The following OR9Q1 variants were observed in gnomAD, a reference collection of about 807,000 sequenced individuals.
OR9Q1 encodes olfactory receptor family 9 subfamily Q member 1.
For missense variants in OR9Q1, 374 were observed against 378.8 expected (o/e 0.99, Z 0.11); for synonymous variants, 153 against 148.6 (o/e 1.03, Z -0.22).
chr11:58,076,923 T>C (rs1432093622), intron 2 of OR9Q1, among the ~76,000 whole-genome samples: 2 of 152,132 alleles, frequency 1.3e-5, no homozygotes, highest in Non-Finnish European at 2.9e-5. Flanking sequence ...GTTATGCAAA[T>C]AAAATAATTG....
At chr11:58,083,706 C>T (rs910797524) in intron 2 of OR9Q1, among the ~76,000 whole-genome samples, 29 of 151,272 alleles carry the variant, frequency 1.9e-4, no homozygotes, top group African/African-American at 4.4e-4. Context: ...CACCATTTAT[C>T]GAACAGGGAA....
At chr11:58,164,857 C>T (rs1012995454) in intron 2 of OR9Q1, among the ~76,000 whole-genome samples, 16 of 152,184 alleles carry the variant, frequency 1.1e-4, no homozygotes, top group African/African-American at 2.9e-4. Flanking sequence ...GGCATGGTCT[C>T]GCCTCAGAGC....
chr11:58,128,533 C>CAA (rs1369411210), intron 2 of OR9Q1, among the ~76,000 whole-genome samples: 1 of 152,004 alleles, frequency 6.6e-6, no homozygotes, highest in Non-Finnish European at 1.5e-5. Context: ...AACAGTATCT[C>CAA]ACAGCTTATA....
chr11:58,135,768 G>A (rs1333190798), intron 2 of OR9Q1, among the ~76,000 whole-genome samples: 3 of 152,146 alleles, frequency 2.0e-5, no homozygotes, highest in African/African-American at 7.2e-5. Context: ...TGACCTGGAG[G>A]TTCTAAGTGG....
chr11:58,109,124 C>G (rs776354965), intron 2 of OR9Q1: 1 of 503,916 alleles, frequency 2.0e-6, no homozygotes, highest in Non-Finnish European at 4.0e-6. Context: ...GGTGGGAGGT[C>G]ACAGAAGAAG....
At chr11:58,056,187 A>G (rs1853326386) in intron 2 of OR9Q1, among the ~76,000 whole-genome samples, 1 of 152,234 alleles carries the variant, frequency 6.6e-6, no homozygotes, top group Admixed American at 6.5e-5. Context: ...AAATACTCCC[A>G]CTATGGCTAG....
At chr11:58,157,122 C>A (rs1854415124) in intron 2 of OR9Q1, among the ~76,000 whole-genome samples, 1 of 152,144 alleles carries the variant, frequency 6.6e-6, no homozygotes, top group Admixed American at 6.5e-5. Flanking sequence ...ACCATACTCT[C>A]CTTAGCCCTG....
At chr11:58,077,353 G>A (rs1389076318) in intron 2 of OR9Q1, 1 of 152,144 alleles carries the variant, frequency 6.6e-6, no homozygotes. Flanking sequence ...TAGAGTTACA[G>A]CCTCTCAAAA....
At chr11:58,107,779 T>G (rs1328171903) in intron 2 of OR9Q1, among the ~76,000 whole-genome samples, 1 of 152,172 alleles carries the variant, frequency 6.6e-6, no homozygotes, top group Non-Finnish European at 1.5e-5. Context: ...CATAAATGTA[T>G]AGTAGTTTTC....
chr11:58,109,087 A>T (rs776637923), intron 2 of OR9Q1: 4 of 483,204 alleles, frequency 8.3e-6, no homozygotes, highest in African/African-American at 2.0e-5. Flanking sequence ...AGTTTGTGTC[A>T]TGCTGCTGCA....
At position 58,179,809 on chromosome 11, in the gene OR9Q1, G is replaced by A. The variant is rs563554978; in HGVS notation, c.365G>A (p.Arg122His). 22 of 1,614,180 alleles carry A rather than the reference G, an allele frequency of 1.4e-5. No individual in the cohort carries two copies. The highest frequency in any genetic ancestry group is 1.3e-4 in the East Asian group (6 of 44,874). Reference sequence around the variant, plus strand: ...CTCTTGGCCCTCATGGCCTATGACCGCTACTTGGCTGTGTGCCAGCCCCTG... The same window carrying A: ...CTCTTGGCCCTCATGGCCTATGACCACTACTTGGCTGTGTGCCAGCCCCTG... ...CYLLALMAYD[R>H]YLAVCQPLLY... The change falls in exon 3 of 3, where the codon CGC becomes CAC. Residue 122 changes from arginine (R) to histidine (H), a missense_variant. Physicochemically the swap from Arg to His is conservative, Grantham distance 29 (BLOSUM62 0). Transcript: ENST00000335397.
At position 58,179,992 on chromosome 11, in the gene OR9Q1, C is replaced by A; in HGVS notation, c.548C>A (p.Pro183His). 6.2e-7 allele frequency: 1 copy of A among 1,614,042 alleles called. No individual in the cohort carries two copies. Among genetic ancestry groups the A allele is most frequent in the Non-Finnish European group, 8.5e-7 (1 of 1,179,990 alleles). ...GACTTTATTTTCTGTGACCTCCCTCCTCTGTTAAAGTTGACCTGTGGGGAG... is the reference window on the plus strand; with the variant it reads ...GACTTTATTTTCTGTGACCTCCCTCATCTGTTAAAGTTGACCTGTGGGGAG... ...EIDFIFCDLPPLLKLTCGESY... is the reference protein window; with the variant it reads ...EIDFIFCDLPHLLKLTCGESY... The change falls in exon 3 of 3, where the codon CCT (proline) becomes CAT (histidine). Residue 183 changes from proline (P) to histidine (H), a missense_variant. Physicochemically the swap from Pro to His is moderately conservative, Grantham distance 77 (BLOSUM62 -2). Transcript: ENST00000335397.
intron 2 of OR9Q1, among the ~76,000 whole-genome samples, chr11:58,108,419 G>A (rs1447171): frequency 0.38 from 57,271 of 151,626 alleles, 11,839 homozygotes; most frequent in East Asian, 0.67. Flanking sequence ...TAATCAGTTC[G>A]CTTATGACTA....
intron 1 of OR9Q1, among the ~76,000 whole-genome samples, chr11:58,033,919 TTTTC>T (rs549213847): frequency 6.6e-6 from 1 of 151,318 alleles, no homozygotes; most frequent in Non-Finnish European, 1.5e-5. Flanking sequence ...ATGAAGGAGA[TTTTC>T]TTTTTCTGGC....
At chr11:58,175,489 C>G (rs764593309) in intron 2 of OR9Q1, among the ~76,000 whole-genome samples, 39 of 152,126 alleles carry the variant, frequency 2.6e-4, no homozygotes, top group Non-Finnish European at 4.6e-4. Flanking sequence ...GCCCTAGTAA[C>G]TTACCTGCTT....
At chr11:58,035,317 G>C (rs1590546725) in intron 1 of OR9Q1, among the ~76,000 whole-genome samples, 1 of 152,074 alleles carries the variant, frequency 6.6e-6, no homozygotes, top group African/African-American at 2.4e-5. Flanking sequence ...CACAAACTAA[G>C]TCCCCAGAAT....
intron 1 of OR9Q1, among the ~76,000 whole-genome samples, chr11:58,048,652 G>A (rs1287832339): frequency 1.4e-5 from 2 of 141,400 alleles, no homozygotes; most frequent in Admixed American, 7.3e-5. Flanking sequence ...CTGGGCAATA[G>A]AGCAAGGACT....
chr11:58,037,103 G>A (rs1441394678), intron 1 of OR9Q1, among the ~76,000 whole-genome samples: 1 of 152,170 alleles, frequency 6.6e-6, no homozygotes, highest in Non-Finnish European at 1.5e-5. Context: ...TCAATCATCA[G>A]CAACCACCAC....
intron 2 of OR9Q1, among the ~76,000 whole-genome samples, chr11:58,079,927 T>C (rs1853573256): frequency 6.6e-6 from 1 of 152,174 alleles, no homozygotes; most frequent in East Asian, 1.9e-4. Flanking sequence ...GTGAGTTAAG[T>C]GAATGGTTGT....
Sources: allele counts gnomAD v4.1 joint callset (sites outside exome capture counted in the v4.1 genomes callset), GRCh38; gene constraint gnomAD v4.1.1; transcripts MANE v1.5; gene names NCBI Gene and HGNC (gene_info 2026-07-23, HGNC 2026-07-21).